The following CNGA3 variants were observed in gnomAD, a reference collection of about 807,000 sequenced individuals.
CNGA3 encodes the protein cyclic nucleotide-gated channel alpha-3.
A neutral mutation model predicts 46.6 loss-of-function variants in CNGA3; 42 were observed. The observed-to-expected ratio is 0.90, with a 90% CI of 0.70 to 1.17. CNGA3 has a LOEUF of 1.17. CNGA3 is among the 50% of genes most tolerant of loss of function. The pLI, the probability that CNGA3 is intolerant of heterozygous loss-of-function variation, is 0.00. For missense variants in CNGA3, 893 were observed against 890.7 expected (o/e 1.00, Z -0.03); for synonymous variants, 394 against 369.4 (o/e 1.07, Z -0.76).
At chr2:98,370,102 C>A (rs758232366) in intron 2 of CNGA3, 26 bp downstream of exon 2, 2 of 1,539,580 alleles carry the variant, frequency 1.3e-6, no homozygotes, top group South Asian at 2.3e-5. Context: ...ATGGGCTTTT[C>A]ATTTTATGCC....
At chr2:98,380,092 A>AAG in intron 3 of CNGA3, 83 bp from the exon 4 acceptor site, 2 of 1,486,998 alleles carry the variant, frequency 1.3e-6, no homozygotes, top group Non-Finnish European at 1.9e-6. Flanking sequence ...GGGAGGGAGA[A>AAG]AGAGAGAGAG....
intron 1 of CNGA3, among the ~76,000 whole-genome samples, chr2:98,360,305 G>T (rs1422488280): frequency 2.0e-5 from 3 of 152,200 alleles, no homozygotes; most frequent in Non-Finnish European, 4.4e-5. Flanking sequence ...GAGGACAGAG[G>T]TACTGCCTCC....
chr2:98,350,236 A>G (rs1290540679), intron 1 of CNGA3, among the ~76,000 whole-genome samples: 2 of 152,246 alleles, frequency 1.3e-5, no homozygotes, highest in Admixed American at 1.3e-4. Context: ...AGTAATAATT[A>G]TAATGCCTTC....
chr2:98,394,306 A>C (rs1459856983), intron 7 of CNGA3, among the ~76,000 whole-genome samples: 2 of 152,112 alleles, frequency 1.3e-5, no homozygotes, highest in Non-Finnish European at 2.9e-5. Context: ...CAGACCAGTC[A>C]GATTCTTTGG....
Position 98,369,960 on chromosome 2 carries a change from G to A in CNGA3, c.-16G>A. 1.9e-6 allele frequency: 3 copies of A among 1,607,064 alleles called. No homozygotes were observed. Among genetic ancestry groups the A allele is most frequent in the Non-Finnish European group, 2.6e-6 (3 of 1,174,606 alleles). Reference sequence around the variant, plus strand: ...TTAGCAATCATCTGGGGGGCTAAATGTGACAAACCGAGAAGATGGCCAAGA... The same window carrying A: ...TTAGCAATCATCTGGGGGGCTAAATATGACAAACCGAGAAGATGGCCAAGA... On this transcript the variant is annotated 5_prime_UTR_variant, in exon 2 of 8. In the 5' UTR this introduces an upstream ATG that the reference lacks. Coordinates refer to ENST00000272602, the MANE Select transcript of CNGA3 (RefSeq NM_001298.3).
chr2:98,387,025 A>G (rs570095471), intron 5 of CNGA3, among the ~76,000 whole-genome samples: 12 of 152,332 alleles, frequency 7.9e-5, no homozygotes, highest in African/African-American at 2.9e-4. Flanking sequence ...TTTATGTTGT[A>G]TAAGTTTGCA....
chr2:98,391,891 G>C lies in CNGA3; in HGVS notation c.594G>C (p.Glu198Asp). The change falls in exon 7 of 8, where the codon GAG (glutamate) becomes GAC (aspartate). Residue 198 changes from glutamate (E) to aspartate (D), a missense_variant. This residue lies in a region of CNGA3 where 333 missense variants were observed against 290.8 expected (regional missense o/e 1.15). Coordinates refer to ENST00000272602, the MANE Select transcript of CNGA3 (RefSeq NM_001298.3). ...CRACFDELQS[E>D]YLMLWLVLDY... is the part of the protein sequence containing the mutation. Reference sequence around the variant, plus strand: ...CCTGTTTCGATGAGCTGCAGTCCGAGTACCTGATGCTGTGGCTGGTCCTGG... The same window carrying C: ...CCTGTTTCGATGAGCTGCAGTCCGACTACCTGATGCTGTGGCTGGTCCTGG... 1 of 1,614,200 alleles carries C rather than the reference G, an allele frequency of 6.2e-7. No homozygotes were observed. The highest frequency in any genetic ancestry group is 1.1e-5 in the South Asian group (1 of 91,090).
At chr2:98,369,905 C>T in intron 1 of CNGA3, 34 bp from the exon 2 acceptor site, 1 of 1,375,808 alleles carries the variant, frequency 7.3e-7, no homozygotes, top group Non-Finnish European at 1.0e-6. Flanking sequence ...CTTTCCTGTC[C>T]TGATGACGTG....
intron 5 of CNGA3, among the ~76,000 whole-genome samples, chr2:98,387,534 G>A (rs910338646): frequency 2.6e-4 from 40 of 152,278 alleles, no homozygotes; most frequent in Admixed American, 2.3e-3. Context: ...CTTTATAAGA[G>A]TTCCTAGCTC....
chr2:98,388,645 C>T (rs1379517671), intron 5 of CNGA3, among the ~76,000 whole-genome samples: 1 of 152,186 alleles, frequency 6.6e-6, no homozygotes, highest in Non-Finnish European at 1.5e-5. Context: ...GGGGGCTGCC[C>T]CTGTGAGCCT....
intron 1 of CNGA3, among the ~76,000 whole-genome samples, chr2:98,358,831 T>C (rs1546352): frequency 0.13 from 19,708 of 152,208 alleles, 1,579 homozygotes; most frequent in Admixed American, 0.28. Flanking sequence ...CTCCAACCAT[T>C]GTTTTCCTGG....
chr2:98,385,462 C>T (rs1692632308), intron 5 of CNGA3, among the ~76,000 whole-genome samples: 1 of 152,242 alleles, frequency 6.6e-6, no homozygotes, highest in Non-Finnish European at 1.5e-5. Context: ...CACACAAAAA[C>T]TGCACTTCAT....
chr2:98,395,817 C>A (rs371649326), intron 7 of CNGA3, 27 bp from the exon 8 acceptor site: 34 of 1,608,366 alleles, frequency 2.1e-5, no homozygotes, highest in African/African-American at 2.7e-5. Context: ...CTCTGTGATG[C>A]CCAATGACCT....
chr2:98,395,786 C>T, intron 7 of CNGA3, 58 bp from the exon 8 acceptor site: 1 of 1,438,698 alleles, frequency 7.0e-7, no homozygotes. Context: ...TTTCTTTGTA[C>T]TATGGTCAAA....
At position 98,396,890 on chromosome 2, in the gene CNGA3, T is replaced by C; in HGVS notation, c.1720T>C (p.Ser574Pro). 5 of 1,614,168 alleles carry C rather than the reference T, an allele frequency of 3.1e-6. No individual in the cohort carries two copies. Among genetic ancestry groups the C allele is most frequent in the Non-Finnish European group, 4.2e-6 (5 of 1,180,036 alleles). Residue 574 changes from serine (S) to proline (P), a missense_variant, in exon 8 of 8, where the codon TCA becomes CCA. This residue lies in a region of CNGA3 where 548 missense variants were observed against 570.8 expected (regional missense o/e 0.96). Coordinates refer to ENST00000272602, the MANE Select transcript of CNGA3 (RefSeq NM_001298.3). ...GGCCAACATCCGCAGCATTGGCTACTCAGACCTGTTCTGCCTCTCAAAGGA... is the reference window on the plus strand; with the variant it reads ...GGCCAACATCCGCAGCATTGGCTACCCAGACCTGTTCTGCCTCTCAAAGGA... ...RTANIRSIGY[S>P]DLFCLSKDDL...
At chr2:98,371,491 T>C (rs1274637405) in intron 2 of CNGA3, among the ~76,000 whole-genome samples, 1 of 152,178 alleles carries the variant, frequency 6.6e-6, no homozygotes, top group Non-Finnish European at 1.5e-5. Context: ...ACACAGCCCT[T>C]GAACCCCACC....
At chr2:98,359,443 T>A in intron 1 of CNGA3, among the ~76,000 whole-genome samples, 1 of 152,134 alleles carries the variant, frequency 6.6e-6, no homozygotes, top group Non-Finnish European at 1.5e-5. Context: ...GCAGGAAGGA[T>A]GCGAGGTAGA....
chr2:98,385,979 G>T (rs1392453867), intron 5 of CNGA3, among the ~76,000 whole-genome samples: 2 of 152,172 alleles, frequency 1.3e-5, no homozygotes, highest in Non-Finnish European at 2.9e-5. Context: ...CAGGGACACA[G>T]ATTCAAACCA....
At chr2:98,369,852 G>A (rs759987032) in intron 1 of CNGA3, 87 bp from the exon 2 acceptor site, 47 of 799,372 alleles carry the variant, frequency 5.9e-5, no homozygotes, top group East Asian at 1.9e-4. Context: ...CAGGGGGGCC[G>A]CGTGCGGTAG....
Sources: gnomAD v4.1 joint callset for allele counts (sites outside exome capture counted in the v4.1 genomes callset) on GRCh38, gnomAD v4.1.1 for gene constraint, gnomAD v4.1.1 regional missense constraint, MANE v1.5 for transcripts, NCBI Gene and HGNC (gene_info 2026-07-23, HGNC 2026-07-21) for gene names.